CEP135: variants seen among roughly 807,000 people sequenced by gnomAD.
CEP135 encodes the protein centrosomal protein 135, also known as centrosomal protein of 135 kDa.
In CEP135, 142 loss-of-function variants were observed where a neutral mutation model predicts 157.3. That is an observed-to-expected ratio of 0.90 (90% CI 0.79 to 1.04). CEP135 has a LOEUF of 1.04. Among genes scored for constraint, CEP135 ranks in the 50% least tolerant of loss-of-function variants. The pLI is 0.00. For missense variants in CEP135, 1,317 were observed against 1,309.2 expected (o/e 1.01, Z -0.09); for synonymous variants, 396 against 439.8 (o/e 0.90, Z 1.25).
chr4:56,011,445 G>A lies in CEP135; in HGVS notation c.2539G>A (p.Glu847Lys). The A allele has an allele frequency of 6.2e-7, 1 of 1,612,142 alleles. No individual in the cohort carries two copies. Among genetic ancestry groups the A allele is most frequent in the Non-Finnish European group, 8.5e-7 (1 of 1,179,418 alleles). Residue 847 changes from glutamate (E) to lysine (K), a missense_variant, in exon 20 of 26, where the codon GAA becomes AAA. Transcript: ENST00000257287. ...ATTGGAATTGGAAGCAGCAGTGCAAGAAAAAGAAGAAATGAAGAGCAGAGT... is the reference window on the plus strand; with the variant it reads ...ATTGGAATTGGAAGCAGCAGTGCAAAAAAAAGAAGAAATGAAGAGCAGAGT... ...ISLELEAAVQ[E>K]KEEMKSRVHK... is the part of the protein sequence containing the mutation.
At chr4:55,954,774 A>C (rs995328311) in intron 4 of CEP135, among the ~76,000 whole-genome samples, 1 of 152,170 alleles carries the variant, frequency 6.6e-6, no homozygotes, top group African/African-American at 2.4e-5. Context: ...TATGCTTAGT[A>C]GTTATAGAGC....
chr4:55,965,656 C>T lies in CEP135; in HGVS notation c.841C>T (p.Gln281Ter). The T allele has an allele frequency of 6.2e-7, 1 of 1,603,756 alleles. No individual in the cohort carries two copies. Among genetic ancestry groups the T allele is most frequent in the Non-Finnish European group, 8.5e-7 (1 of 1,177,162 alleles). ...AHLNIQVDFLQQANKDLEKRI... is the reference protein window; with the variant it reads ...AHLNIQVDFL ...AACTCCAATTTAGGTTGACTTTCTT[C>T]AGCAAGCTAATAAAGACCTGGAGAA... The change falls in exon 8 of 26, where the codon CAG (glutamine) becomes TAG (stop). Residue 281 changes from glutamine (Q) to a stop codon, truncating the protein, a stop_gained. Coordinates refer to ENST00000257287, the MANE Select transcript of CEP135 (RefSeq NM_025009.5). LOFTEE classifies it high-confidence loss of function.
At chr4:55,973,303 T>A (rs1292118792) in intron 10 of CEP135, among the ~76,000 whole-genome samples, 1 of 152,192 alleles carries the variant, frequency 6.6e-6, no homozygotes, top group Non-Finnish European at 1.5e-5. Flanking sequence ...CTTACACTGT[T>A]CTCTTAGCGT....
intron 12 of CEP135, 25 bp downstream of exon 12, chr4:55,980,320 C>T (rs1169556648): frequency 7.1e-7 from 1 of 1,417,586 alleles, no homozygotes; most frequent in Admixed American, 2.0e-5. Context: ...ATAATTAAGC[C>T]AATAGATTGT....
At chr4:55,963,890 C>T (rs967989208) in intron 6 of CEP135, among the ~76,000 whole-genome samples, 1 of 152,178 alleles carries the variant, frequency 6.6e-6, no homozygotes, top group African/African-American at 2.4e-5. Flanking sequence ...GTGTGTTACA[C>T]TCATTCATTT....
At chr4:55,961,089 G>A (rs1728665251) in intron 6 of CEP135, among the ~76,000 whole-genome samples, 1 of 136,458 alleles carries the variant, frequency 7.3e-6, no homozygotes, top group Non-Finnish European at 1.5e-5. Flanking sequence ...CTGGGTGACA[G>A]AGACTCTGTC....
At chr4:55,982,529 T>A (rs1456858319) in intron 13 of CEP135, among the ~76,000 whole-genome samples, 1 of 152,236 alleles carries the variant, frequency 6.6e-6, no homozygotes, top group Non-Finnish European at 1.5e-5. Flanking sequence ...CTAATGAGGT[T>A]GAGCATCTTT....
intron 17 of CEP135, among the ~76,000 whole-genome samples, chr4:56,007,802 G>A (rs928921684): frequency 6.6e-6 from 1 of 152,136 alleles, no homozygotes. Flanking sequence ...TCTGCTCAGA[G>A]GTTTTTTACG....
rs137936458 is a variant in CEP135, at chr4:56,002,794, G to A, written c.2280+3149G>A. ...TTTTCAATTTCCTTGAAGAGTTTGA[G>A]CAGGAATTGGTATTAGTTCTTTAGA... is the stretch of plus-strand genomic sequence containing the variant. On this transcript the variant is annotated intron_variant, in intron 17 of 25. Coordinates refer to ENST00000257287, the MANE Select transcript of CEP135 (RefSeq NM_025009.5). Among the ~76,000 whole-genome samples, 204 of 152,236 alleles carry A rather than the reference G, an allele frequency of 1.3e-3. 1 individual carries two copies. Among genetic ancestry groups the A allele is most frequent in the African/African-American group, 4.7e-3 (196 of 41,562 alleles).
Position 55,964,300 on chromosome 4 carries a change from A to G in CEP135, c.726A>G (p.Glu242=). Residue 242 remains glutamate (E), a synonymous_variant, in exon 7 of 26, where the codon GAA becomes GAG. Transcript: ENST00000257287. ...TTGAGCTAAGAGAACGAGAGATAGAACGACTGTCAGTTGCTTTGGATGGTG... is the reference window on the plus strand; with the variant it reads ...TTGAGCTAAGAGAACGAGAGATAGAGCGACTGTCAGTTGCTTTGGATGGTG... ...KQIELREREI[E]RLSVALDGGR... 6.2e-7 allele frequency: 1 copy of G among 1,612,572 alleles called. No homozygotes were observed. The highest frequency in any genetic ancestry group is 8.5e-7 in the Non-Finnish European group (1 of 1,179,472).
chr4:55,997,436 G>A (rs1730012777), intron 15 of CEP135, among the ~76,000 whole-genome samples: 1 of 152,178 alleles, frequency 6.6e-6, no homozygotes, highest in Non-Finnish European at 1.5e-5. Flanking sequence ...ATATAAAGCA[G>A]TCTTTACATT....
At chr4:56,011,552 G>A in intron 20 of CEP135, 30 bp downstream of exon 20, 1 of 1,444,342 alleles carries the variant, frequency 6.9e-7, no homozygotes, top group Non-Finnish European at 9.5e-7. Flanking sequence ...TTGGATTTAA[G>A]ACTGAGGTTT....
At chr4:56,003,825 A>G (rs1033326794) in intron 17 of CEP135, among the ~76,000 whole-genome samples, 1 of 151,564 alleles carries the variant, frequency 6.6e-6, no homozygotes, top group Non-Finnish European at 1.5e-5. Context: ...GACACAAGCA[A>G]TCCTCCTACC....
At chr4:55,993,482 T>C (rs1438818289) in intron 15 of CEP135, among the ~76,000 whole-genome samples, 1 of 152,250 alleles carries the variant, frequency 6.6e-6, no homozygotes, top group Non-Finnish European at 1.5e-5. Flanking sequence ...ACGATAGTTT[T>C]GGTAGGTTAG....
intron 6 of CEP135, among the ~76,000 whole-genome samples, chr4:55,961,101 C>CA (rs59483327): frequency 0.057 from 3,969 of 69,296 alleles, 114 homozygotes; most frequent in Admixed American, 0.093. Flanking sequence ...GACTCTGTCT[C>CA]AAAAAAAAAA....
intron 7 of CEP135, 97 bp from the exon 8 acceptor site, chr4:55,965,547 A>G: frequency 1.2e-6 from 1 of 806,786 alleles, no homozygotes; most frequent in South Asian, 2.0e-5. Context: ...ATCTTCAATA[A>G]TTTTTAAAAT....
chr4:56,029,145 A>G (rs1297892528), intron 25 of CEP135, among the ~76,000 whole-genome samples: 1 of 152,258 alleles, frequency 6.6e-6, no homozygotes, highest in Non-Finnish European at 1.5e-5. Flanking sequence ...TTATCAGGAA[A>G]GCAGCTCAAA....
chr4:56,022,574 A>C (rs140389501), intron 24 of CEP135, among the ~76,000 whole-genome samples: 12 of 152,274 alleles, frequency 7.9e-5, no homozygotes, highest in African/African-American at 2.9e-4. Flanking sequence ...CTTGAGAAGC[A>C]CTGAACTAAT....
At chr4:56,026,410 T>G (rs1731160754) in intron 25 of CEP135, among the ~76,000 whole-genome samples, 1 of 151,084 alleles carries the variant, frequency 6.6e-6, no homozygotes, top group African/African-American at 2.4e-5. Flanking sequence ...TGTAGATTTC[T>G]TTTTGCTTAC....
Sources: allele counts gnomAD v4.1 joint callset (sites outside exome capture counted in the v4.1 genomes callset), GRCh38; gene constraint gnomAD v4.1.1; transcripts MANE v1.5; gene names NCBI Gene and HGNC (gene_info 2026-07-23, HGNC 2026-07-21).